Variants in GPR137C observed in about 807,000 individuals in gnomAD.
The protein encoded by GPR137C is G protein-coupled receptor 137C, also known as integral membrane protein GPR137C.
Under a neutral mutation model 43.4 loss-of-function variants are expected in GPR137C, and 27 were observed. The ratio of observed to expected loss-of-function variants is 0.62; its 90% confidence interval spans 0.46 to 0.86. The LOEUF (loss-of-function observed/expected upper bound fraction) is 0.86. GPR137C is among the 40% of genes least tolerant of loss of function. GPR137C has a pLI of 0.00. For missense variants in GPR137C, 522 were observed against 534.6 expected (o/e 0.98, Z 0.23); for synonymous variants, 285 against 226.9 (o/e 1.26, Z -2.30).
At chr14:52,585,346 TAAAC>T (rs2038699415) in intron 1 of GPR137C, among the ~76,000 whole-genome samples, 1 of 152,150 alleles carries the variant, frequency 6.6e-6, no homozygotes, top group African/African-American at 2.4e-5. Flanking sequence ...TCCTAACAAT[TAAAC>T]TAACTCTCTC....
intron 1 of GPR137C, among the ~76,000 whole-genome samples, chr14:52,566,783 T>C (rs558358594): frequency 4.6e-5 from 7 of 152,154 alleles, no homozygotes; most frequent in Non-Finnish European, 1.0e-4. Flanking sequence ...ATTTTCCAGG[T>C]TTTGTAAACT....
intron 1 of GPR137C, among the ~76,000 whole-genome samples, chr14:52,574,772 G>A (rs1043244323): frequency 3.3e-5 from 5 of 152,134 alleles, no homozygotes; most frequent in Admixed American, 1.3e-4. Flanking sequence ...GGGATATTCT[G>A]TTGCTCCTTC....
intron 1 of GPR137C, among the ~76,000 whole-genome samples, chr14:52,560,774 G>T (rs1176203148): frequency 6.6e-6 from 1 of 152,160 alleles, no homozygotes; most frequent in Admixed American, 6.5e-5. Context: ...AGACCTAACT[G>T]TAAAAGCTAA....
intron 3 of GPR137C, among the ~76,000 whole-genome samples, chr14:52,625,596 C>A (rs1399585838): frequency 1.9e-5 from 2 of 106,820 alleles, no homozygotes; most frequent in African/African-American, 3.6e-5. Flanking sequence ...GCTGTGTCAC[C>A]CAGGCTGGAG....
intron 1 of GPR137C, among the ~76,000 whole-genome samples, chr14:52,596,234 C>T (rs1183089208): frequency 6.6e-6 from 1 of 152,118 alleles, no homozygotes; most frequent in African/African-American, 2.4e-5. Flanking sequence ...AGGTGTCTGT[C>T]GGCCCCTACT....
chr14:52,574,268 CAT>C (rs2038516933), intron 1 of GPR137C, among the ~76,000 whole-genome samples: 1 of 152,116 alleles, frequency 6.6e-6, no homozygotes, highest in African/African-American at 2.4e-5. Flanking sequence ...CACATGCACA[CAT>C]ATGTTTATTG....
intron 2 of GPR137C, among the ~76,000 whole-genome samples, chr14:52,599,810 C>T (rs1278163536): frequency 1.3e-5 from 2 of 152,124 alleles, no homozygotes; most frequent in South Asian, 4.1e-4. Context: ...AATTTTCAGG[C>T]ACATTGTAAA....
At chr14:52,581,036 G>A (rs2038638699) in intron 1 of GPR137C, among the ~76,000 whole-genome samples, 1 of 150,908 alleles carries the variant, frequency 6.6e-6, no homozygotes, top group Non-Finnish European at 1.5e-5. Flanking sequence ...CCACTGAAAA[G>A]TACAAAAGAA....
chr14:52,558,239 G>A (rs1052649816), intron 1 of GPR137C, among the ~76,000 whole-genome samples: 3 of 152,070 alleles, frequency 2.0e-5, no homozygotes, highest in Non-Finnish European at 2.9e-5. Flanking sequence ...GTGTAGGGAG[G>A]TGTCGTTGCA....
chr14:52,635,426 C>A lies in GPR137C; in HGVS notation c.*311C>A. On this transcript the variant is annotated 3_prime_UTR_variant, in exon 7 of 7. Transcript: ENST00000321662. ...TATCTTTGTTCTGAGTCACTGCAGT[C>A]CCCAAAGTCATATGCCAATGTTCAC... 1 of 226,936 alleles carries A rather than the reference C, an allele frequency of 4.4e-6. No homozygotes were observed. The highest frequency in any genetic ancestry group is 8.9e-5 in the South Asian group (1 of 11,218). The allele number at this position is 226,936 out of a possible 1,614,324, so 14.1% of individuals were successfully genotyped here. A position where few individuals can be genotyped will look rare whatever the true frequency, so the allele number is the denominator to read the frequency against.
At chr14:52,632,421 C>T in intron 4 of GPR137C, 112 bp downstream of exon 4, 1 of 730,448 alleles carries the variant, frequency 1.4e-6, no homozygotes, top group Non-Finnish European at 2.3e-6. Flanking sequence ...TCTCTGTCTA[C>T]TGTCAGTAAT....
At chr14:52,618,620 C>T (rs767779299) in intron 3 of GPR137C, among the ~76,000 whole-genome samples, 6 of 151,904 alleles carry the variant, frequency 3.9e-5, no homozygotes, top group Non-Finnish European at 8.8e-5. Flanking sequence ...AACTTTTTAT[C>T]AGTTATAAAT....
At chr14:52,627,712 C>T (rs950613438) in intron 3 of GPR137C, among the ~76,000 whole-genome samples, 3 of 152,026 alleles carry the variant, frequency 2.0e-5, no homozygotes, top group Non-Finnish European at 4.4e-5. Flanking sequence ...GTCATGGTGG[C>T]ACGTGCCTGT....
chr14:52,583,322 A>C (rs1469632135), intron 1 of GPR137C, among the ~76,000 whole-genome samples: 4 of 152,184 alleles, frequency 2.6e-5, no homozygotes, highest in African/African-American at 9.7e-5. Context: ...TATATTCTAT[A>C]ATATACTTGG....
At chr14:52,630,694 A>G (rs573338690) in intron 3 of GPR137C, among the ~76,000 whole-genome samples, 1 of 152,100 alleles carries the variant, frequency 6.6e-6, no homozygotes, top group East Asian at 1.9e-4. Flanking sequence ...ATGGTTCTCA[A>G]CCCCGCAAGA....
At chr14:52,559,750 A>AC (rs1266769258) in intron 1 of GPR137C, among the ~76,000 whole-genome samples, 1 of 152,218 alleles carries the variant, frequency 6.6e-6, no homozygotes, top group Non-Finnish European at 1.5e-5. Context: ...TTTGTAGGTG[A>AC]CACAATTTCT....
At chr14:52,600,947 A>G (rs918324066) in intron 3 of GPR137C, among the ~76,000 whole-genome samples, 3 of 152,244 alleles carry the variant, frequency 2.0e-5, no homozygotes, top group Admixed American at 1.3e-4. Context: ...ACTTCACCCA[A>G]TAATATGAAG....
Position 52,553,112 on chromosome 14 carries a change from CT to C in GPR137C, c.-34del. 8.8e-7 allele frequency: 1 copy of C among 1,132,382 alleles called. No homozygotes were observed. The highest frequency in any genetic ancestry group is 1.1e-6 in the Non-Finnish European group (1 of 919,164). 70.1% of individuals were successfully genotyped at this position (1,132,382 alleles called of 1,614,324 possible). ...CGGCGGCTCCGAGTCCAGCCCCTTC[CT>C]TCCCGCGCTCGCTCGCCCGGCCCCC... On this transcript the variant is annotated 5_prime_UTR_variant, in exon 1 of 7. Coordinates refer to ENST00000321662, the MANE Select transcript of GPR137C (RefSeq NM_001099652.2).
rs147435194 is a variant in GPR137C, at chr14:52,572,646, G to C, written c.444+19055G>C. ...ACAAACCCACAGCCAATATCATACT[G>C]ATTGGGCAAAAGCTGGAAGCACTTC... On this transcript the variant is annotated intron_variant, in intron 1 of 6. Coordinates refer to ENST00000321662, the MANE Select transcript of GPR137C (RefSeq NM_001099652.2). Among the ~76,000 whole-genome samples the C allele has an allele frequency of 5.3e-5, 8 of 152,312 alleles. No homozygotes were observed. The East Asian group carries it at 1.2e-3, about 22-fold the overall frequency.
Sources: allele counts gnomAD v4.1 joint callset (sites outside exome capture counted in the v4.1 genomes callset), GRCh38; gene constraint gnomAD v4.1.1; transcripts MANE v1.5; gene names NCBI Gene and HGNC (gene_info 2026-07-23, HGNC 2026-07-21).